MLIP: variants seen among roughly 807,000 people sequenced by gnomAD.
MLIP encodes the protein muscular LMNA-interacting protein.
In MLIP, 79 loss-of-function variants were observed where a neutral mutation model predicts 84.8. The observed-to-expected ratio is 0.93, with a 90% CI of 0.78 to 1.12. The LOEUF is 1.12. Among genes scored for constraint, MLIP ranks in the 50% most tolerant of loss-of-function variants. The pLI is 0.00. For missense variants in MLIP, 1,257 were observed against 1,160.6 expected, an observed-to-expected ratio of 1.08 and a Z score of -1.21; for synonymous variants, 504 against 463.0, an observed-to-expected ratio of 1.09 and a Z score of -1.14.
intron 4 of MLIP, 90 bp downstream of exon 4, chr6:54,138,376 T>G: frequency 7.1e-7 from 1 of 1,410,816 alleles, no homozygotes; most frequent in Admixed American, 2.7e-5. Flanking sequence ...ATAATTATAG[T>G]ATTAATTGTA....
intron 1 of MLIP, among the ~76,000 whole-genome samples, chr6:54,025,560 T>C (rs950448416): frequency 9.2e-5 from 14 of 152,204 alleles, no homozygotes; most frequent in African/African-American, 3.4e-4. Context: ...ATTTTATTTT[T>C]TTGGCATTAC....
At chr6:54,063,757 G>GTGT (rs1766113031) in intron 1 of MLIP, among the ~76,000 whole-genome samples, 1 of 130,498 alleles carries the variant, frequency 7.7e-6, no homozygotes, top group African/African-American at 3.1e-5. Flanking sequence ...TGTGTGTGTG[G>GTGT]TGCCTTTCTT....
chr6:54,100,624 T>G (rs2150388338), intron 1 of MLIP, among the ~76,000 whole-genome samples: 1 of 152,280 alleles, frequency 6.6e-6, no homozygotes, highest in African/African-American at 2.4e-5. Context: ...AACTAAAAAA[T>G]GCTTTGTCCT....
chr6:54,202,041 A>G (rs1778718498), intron 10 of MLIP, 64 bp from the exon 11 acceptor site: 4 of 1,192,692 alleles, frequency 3.4e-6, no homozygotes, highest in South Asian at 4.6e-5. Flanking sequence ...AACAATAAAC[A>G]TATTTGTTCA....
At chr6:54,231,964 C>T (rs1415412486) in intron 12 of MLIP, among the ~76,000 whole-genome samples, 1 of 152,038 alleles carries the variant, frequency 6.6e-6, no homozygotes, top group African/African-American at 2.4e-5. Context: ...GCTTCTATGA[C>T]AACTGAATGA....
intron 1 of MLIP, among the ~76,000 whole-genome samples, chr6:54,055,650 A>G (rs915756982): frequency 1.3e-5 from 2 of 152,066 alleles, no homozygotes; most frequent in Non-Finnish European, 2.9e-5. Flanking sequence ...GGGGAAAGAG[A>G]CAATAAAATA....
chr6:54,033,519 T>C (rs186541623), intron 1 of MLIP, among the ~76,000 whole-genome samples: 129 of 152,006 alleles, frequency 8.5e-4, no homozygotes, highest in African/African-American at 2.9e-3. Context: ...CCCGCCTTGG[T>C]CTCCTAAAGT....
chr6:54,102,070 A>G (rs1768693758), intron 1 of MLIP, among the ~76,000 whole-genome samples: 1 of 152,242 alleles, frequency 6.6e-6, no homozygotes, highest in Admixed American at 6.5e-5. Context: ...ATAAATGTAT[A>G]TCTCTAAAGT....
At chr6:54,170,127 C>T (rs1247605222) in intron 9 of MLIP, among the ~76,000 whole-genome samples, 1 of 151,576 alleles carries the variant, frequency 6.6e-6, no homozygotes, top group Admixed American at 6.6e-5. Flanking sequence ...ACCTGCATAG[C>T]CTCATCCCAA....
At chr6:54,167,594 ATTGTCT>A (rs1775324217) in intron 8 of MLIP, among the ~76,000 whole-genome samples, 1 of 151,612 alleles carries the variant, frequency 6.6e-6, no homozygotes, top group South Asian at 2.1e-4. Context: ...CCTCATTCAC[ATTGTCT>A]TGCCTTTTTG....
At chr6:54,146,963 A>T (rs1772906736) in intron 4 of MLIP, among the ~76,000 whole-genome samples, 1 of 152,134 alleles carries the variant, frequency 6.6e-6, no homozygotes, top group African/African-American at 2.4e-5. Flanking sequence ...TCTGTACCTC[A>T]GTTTCCATAT....
Position 54,065,490 on chromosome 6 carries a change from A to G in MLIP, c.63+46399A>G, listed in dbSNP as rs79023834. ...CATTATTTCTTTCCAAGGAAAAGCA[A>G]TTACAAAAGTCTTAAACAACAGCAG... On this transcript the variant is annotated intron_variant, in intron 1 of 12. Coordinates refer to the MLIP transcript ENST00000274897. 7.7e-4 allele frequency among the ~76,000 whole-genome samples: 78 copies of G among 101,054 alleles called. 13 individuals are homozygous for G. The highest frequency in any genetic ancestry group is 1.7e-3 in the African/African-American group (68 of 39,434). 66.3% of individuals were successfully genotyped at this position (101,054 alleles called of 152,430 possible).
intron 8 of MLIP, among the ~76,000 whole-genome samples, chr6:54,164,476 G>A (rs564395066): frequency 3.9e-5 from 6 of 151,952 alleles, no homozygotes; most frequent in African/African-American, 1.4e-4. Context: ...ATTTATTGAG[G>A]TAATATTTAA....
chr6:54,194,107 T>C (rs1778128642), intron 10 of MLIP, among the ~76,000 whole-genome samples: 1 of 152,202 alleles, frequency 6.6e-6, no homozygotes, highest in African/African-American at 2.4e-5. Context: ...AAAAGCAAGA[T>C]GCTATTTACT....
intron 5 of MLIP, among the ~76,000 whole-genome samples, chr6:54,158,343 T>A (rs1406860171): frequency 6.6e-6 from 1 of 152,104 alleles, no homozygotes; most frequent in Non-Finnish European, 1.5e-5. Flanking sequence ...GAATCTTTGA[T>A]TTTTTCTGTT....
At chr6:54,188,181 A>G (rs1408029428) in intron 9 of MLIP, among the ~76,000 whole-genome samples, 1 of 152,220 alleles carries the variant, frequency 6.6e-6, no homozygotes, top group East Asian at 1.9e-4. Context: ...CTCTGGGTGA[A>G]TCAATGAGTT....
intron 11 of MLIP, among the ~76,000 whole-genome samples, chr6:54,221,952 A>G (rs1421909395): frequency 1.3e-5 from 2 of 152,128 alleles, no homozygotes; most frequent in Non-Finnish European, 2.9e-5. Flanking sequence ...GTTAGAAAAC[A>G]AAAAGTTCCT....
chr6:54,239,530 G>A (rs954360664), intron 12 of MLIP, among the ~76,000 whole-genome samples: 3 of 151,090 alleles, frequency 2.0e-5, no homozygotes, highest in Admixed American at 6.6e-5. Flanking sequence ...TAGCACTTTG[G>A]GAGGCTGAGG....
chr6:54,245,095 A>C lies in MLIP; in HGVS notation c.2923-12213A>C, dbSNP rs59752278. On this transcript the variant is annotated intron_variant, in intron 12 of 13. Coordinates refer to ENST00000502396, the MANE Select transcript of MLIP (RefSeq NM_001281747.2). ...TGCCATCCATTTGCACCTTGTTCTG[A>C]TGGAGACACTAAGGGATAATGAACT... is the stretch of plus-strand genomic sequence containing the variant. Among the ~76,000 whole-genome samples the C allele has an allele frequency of 3.7e-3, 558 of 152,228 alleles. 2 individuals are homozygous for C. Among genetic ancestry groups the C allele is most frequent in the African/African-American group, 0.013 (524 of 41,550 alleles).
Sources: gnomAD v4.1 joint callset for allele counts (sites outside exome capture counted in the v4.1 genomes callset) on GRCh38, gnomAD v4.1.1 for gene constraint, MANE v1.5 for transcripts, NCBI Gene and HGNC (gene_info 2026-07-23, HGNC 2026-07-21) for gene names.